DPP10: variants seen among roughly 807,000 people sequenced by gnomAD.
DPP10 encodes the protein inactive dipeptidyl peptidase 10.
A neutral mutation model predicts 120.9 loss-of-function variants in DPP10; 33 were observed. The ratio of observed to expected loss-of-function variants is 0.27; its 90% confidence interval spans 0.21 to 0.37. DPP10 has a LOEUF of 0.37. Among genes scored for constraint, DPP10 ranks in the 10% least tolerant of loss-of-function variants. DPP10 has a pLI of 1.00. For missense variants in DPP10, 816 were observed against 942.8 expected (o/e 0.87, Z 1.76); for synonymous variants, 337 against 326.1 (o/e 1.03, Z -0.36).
intron 8 of DPP10, among the ~76,000 whole-genome samples, chr2:115,733,208 C>A (rs193268052): frequency 1.3e-5 from 2 of 152,172 alleles, no homozygotes; most frequent in East Asian, 3.9e-4. Context: ...GGGCAAAATG[C>A]CTATTTTCAC....
intron 1 of DPP10, among the ~76,000 whole-genome samples, chr2:114,497,630 C>T (rs1024192296): frequency 6.6e-6 from 1 of 152,078 alleles, no homozygotes; most frequent in South Asian, 2.1e-4. Flanking sequence ...TTAATAATCC[C>T]AACAGCCTTG....
At chr2:115,672,673 T>TC (rs1491314012) in intron 5 of DPP10, among the ~76,000 whole-genome samples, 3 of 124,728 alleles carry the variant, frequency 2.4e-5, no homozygotes, top group African/African-American at 9.6e-5. Context: ...TCTTTCTCTC[T>TC]TTCTTTCTCT....
At chr2:115,322,679 G>A (rs901644484) in intron 2 of DPP10, among the ~76,000 whole-genome samples, 5 of 152,124 alleles carry the variant, frequency 3.3e-5, no homozygotes, top group Non-Finnish European at 5.9e-5. Context: ...ATAAATGCAG[G>A]CATGCATTGT....
At chr2:114,864,628 A>G (rs975538315) in intron 1 of DPP10, among the ~76,000 whole-genome samples, 1 of 152,194 alleles carries the variant, frequency 6.6e-6, no homozygotes, top group African/African-American at 2.4e-5. Context: ...GCCAGCAATC[A>G]GGTAACTGGG....
At position 115,091,256 on chromosome 2, in the gene DPP10, T is replaced by G. The variant is rs1709233232; in HGVS notation, c.61-217983T>G. Among the ~76,000 whole-genome samples the G allele has an allele frequency of 2.0e-5, 3 of 152,198 alleles. No individual in the cohort carries two copies. In the South Asian group the frequency reaches 6.2e-4, roughly 32 times the overall value. On this transcript the variant is annotated intron_variant, in intron 1 of 25. Coordinates refer to ENST00000410059, the MANE Select transcript of DPP10 (RefSeq NM_020868.6). ...GATTTGCATCTAAACCTTGTCTGGC[T>G]CCCTTCATCCCTCAGACCACTTTCA...
intron 5 of DPP10, among the ~76,000 whole-genome samples, chr2:115,593,201 A>AG (rs998780208): frequency 3.7e-4 from 56 of 152,314 alleles, no homozygotes; most frequent in African/African-American, 1.3e-3. Context: ...GGCATTGCAG[A>AG]TGGGCTTTGC....
intron 1 of DPP10, among the ~76,000 whole-genome samples, chr2:114,868,095 A>G (rs1690383609): frequency 6.6e-6 from 1 of 152,242 alleles, no homozygotes; most frequent in South Asian, 2.1e-4. Context: ...AAGCCAAATC[A>G]TGGTCAAAAG....
At chr2:115,130,488 C>G (rs1438672640) in intron 1 of DPP10, among the ~76,000 whole-genome samples, 1 of 143,194 alleles carries the variant, frequency 7.0e-6, no homozygotes, top group Non-Finnish European at 1.5e-5. Flanking sequence ...ATCCATGCAT[C>G]CATCCATCCA....
chr2:115,359,421 T>G (rs1337331439), intron 3 of DPP10, among the ~76,000 whole-genome samples: 1 of 152,170 alleles, frequency 6.6e-6, no homozygotes, highest in Non-Finnish European at 1.5e-5. Flanking sequence ...TTATCTGAAA[T>G]TTTTTTAATG....
intron 1 of DPP10, among the ~76,000 whole-genome samples, chr2:114,693,627 C>G (rs1442438209): frequency 6.6e-6 from 1 of 151,904 alleles, no homozygotes; most frequent in Non-Finnish European, 1.5e-5. Flanking sequence ...GTTGGCCTGT[C>G]TTGCTAGGTT....
At chr2:115,814,301 T>A (rs949942731) in intron 19 of DPP10, among the ~76,000 whole-genome samples, 2 of 152,160 alleles carry the variant, frequency 1.3e-5, no homozygotes, top group African/African-American at 4.8e-5. Flanking sequence ...TAATGCAGTT[T>A]TTTTTTTAAG....
intron 8 of DPP10, among the ~76,000 whole-genome samples, chr2:115,739,059 A>G (rs1230994287): frequency 2.0e-5 from 3 of 152,144 alleles, no homozygotes; most frequent in Non-Finnish European, 4.4e-5. Context: ...CTGCAGTGAC[A>G]GAAGTAGTGA....
rs115887946 is a variant in DPP10 at position 115,265,228 on chromosome 2, T to A, written c.61-44011T>A. 9.0e-3 allele frequency among the ~76,000 whole-genome samples: 1,360 copies of A among 151,432 alleles called. 10 individuals carry two copies. The highest frequency in any genetic ancestry group is 0.013 in the Non-Finnish European group (907 of 67,874). On this transcript the variant is annotated intron_variant, in intron 1 of 25. Coordinates refer to ENST00000410059, the MANE Select transcript of DPP10 (RefSeq NM_020868.6). ...CTCCCATTCAATATGTACACATCGA[T>A]GTTCCCAATGTCTTTATTTTGTCCT... is the stretch of plus-strand genomic sequence containing the variant.
intron 1 of DPP10, among the ~76,000 whole-genome samples, chr2:114,918,877 G>T (rs1694994354): frequency 6.6e-6 from 1 of 151,722 alleles, no homozygotes; most frequent in Non-Finnish European, 1.5e-5. Context: ...GAAATCATTT[G>T]TACACCAAAC....
At chr2:115,753,334 A>G in intron 11 of DPP10, 37 bp downstream of exon 11, 2 of 1,568,396 alleles carry the variant, frequency 1.3e-6, no homozygotes, top group Non-Finnish European at 1.7e-6. Flanking sequence ...GCCTAAAATG[A>G]AGTAGCTTAT....
chr2:115,614,949 T>C (rs2084380763), intron 5 of DPP10, among the ~76,000 whole-genome samples: 1 of 152,208 alleles, frequency 6.6e-6, no homozygotes, highest in African/African-American at 2.4e-5. Flanking sequence ...CAATTCCCTA[T>C]CTGTGCATTT....
intron 9 of DPP10, among the ~76,000 whole-genome samples, chr2:115,740,316 T>C (rs984850633): frequency 2.0e-5 from 3 of 152,096 alleles, no homozygotes; most frequent in Non-Finnish European, 2.9e-5. Flanking sequence ...TTTCAGATGA[T>C]TTCTTAGAGC....
chr2:115,404,919 A>G (rs1031010769), intron 3 of DPP10, among the ~76,000 whole-genome samples: 2 of 152,242 alleles, frequency 1.3e-5, no homozygotes, highest in African/African-American at 4.8e-5. Flanking sequence ...AGTACCTCCC[A>G]ACAGTGCCAC....
chr2:115,480,458 T>C (rs2075360688), intron 3 of DPP10, among the ~76,000 whole-genome samples: 1 of 152,128 alleles, frequency 6.6e-6, no homozygotes, highest in Non-Finnish European at 1.5e-5. Context: ...AAGTAGTTTA[T>C]TGAGATTGAA....
Sources: gnomAD v4.1 joint callset for allele counts (sites outside exome capture counted in the v4.1 genomes callset) on GRCh38, gnomAD v4.1.1 for gene constraint, MANE v1.5 for transcripts, NCBI Gene and HGNC (gene_info 2026-07-23, HGNC 2026-07-21) for gene names.